The following CCSER1 variants were observed in gnomAD, a reference collection of about 807,000 sequenced individuals.
CCSER1 encodes coiled-coil serine rich protein 1, also known as serine-rich coiled-coil domain-containing protein 1.
In CCSER1, 41 loss-of-function variants were observed where a neutral mutation model predicts 82.0. The ratio of observed to expected loss-of-function variants is 0.50; its 90% CI spans 0.39 to 0.65. The LOEUF is 0.65. Ranked by LOEUF, CCSER1 falls within the 30% of genes least tolerant of loss-of-function variation. CCSER1 has a pLI of 0.00. For missense variants in CCSER1, 1,119 were observed against 1,064.2 expected, an observed-to-expected ratio of 1.05 and a Z score of -0.72; for synonymous variants, 414 against 383.9, an observed-to-expected ratio of 1.08 and a Z score of -0.92.
chr4:91,450,104 A>G (rs1335525232), intron 10 of CCSER1, among the ~76,000 whole-genome samples: 1 of 73,292 alleles, frequency 1.4e-5, no homozygotes, highest in Non-Finnish European at 2.7e-5. Flanking sequence ...AAAGCCTCAC[A>G]ATGGCTGGAG....
At chr4:91,389,732 T>A (rs1751533620) in intron 10 of CCSER1, among the ~76,000 whole-genome samples, 1 of 152,012 alleles carries the variant, frequency 6.6e-6, no homozygotes, top group Admixed American at 6.6e-5. Context: ...GTTCATTGAT[T>A]TAGTTTCTCT....
At chr4:90,153,914 G>T (rs978326698) in intron 1 of CCSER1, among the ~76,000 whole-genome samples, 2 of 152,102 alleles carry the variant, frequency 1.3e-5, no homozygotes, top group Admixed American at 1.3e-4. Context: ...GGCTTTTGTT[G>T]CCATTGCTTT....
chr4:91,417,402 T>C (rs1240436034), intron 10 of CCSER1, among the ~76,000 whole-genome samples: 1 of 152,192 alleles, frequency 6.6e-6, no homozygotes, highest in Non-Finnish European at 1.5e-5. Context: ...ATATGTTTAT[T>C]GCAGCACTAT....
intron 1 of CCSER1, among the ~76,000 whole-genome samples, chr4:90,143,385 A>G (rs941716167): frequency 1.3e-5 from 2 of 151,936 alleles, no homozygotes; most frequent in African/African-American, 2.4e-5. Flanking sequence ...CATTTGTCAG[A>G]TTATTTAAAT....
chr4:90,957,547 TTATATTATA>T (rs1204353973), intron 9 of CCSER1, among the ~76,000 whole-genome samples: 11 of 91,728 alleles, frequency 1.2e-4, no homozygotes, highest in Non-Finnish European at 2.4e-4. Flanking sequence ...TATTATATAA[TTATATTATA>T]TATATTATAT....
intron 3 of CCSER1, among the ~76,000 whole-genome samples, chr4:90,329,590 A>G (rs1738900406): frequency 6.6e-6 from 1 of 152,164 alleles, no homozygotes; most frequent in Non-Finnish European, 1.5e-5. Context: ...GATCTTTATA[A>G]GGGTAATGTG....
intron 8 of CCSER1, among the ~76,000 whole-genome samples, chr4:90,922,244 T>C (rs1017472017): frequency 6.6e-6 from 1 of 151,758 alleles, no homozygotes; most frequent in Non-Finnish European, 1.5e-5. Context: ...CAGATAATCT[T>C]GAAAATACCA....
At chr4:91,546,309 C>A (rs1381497911) in intron 10 of CCSER1, among the ~76,000 whole-genome samples, 1 of 152,038 alleles carries the variant, frequency 6.6e-6, no homozygotes, top group African/African-American at 2.4e-5. Flanking sequence ...CCTTCTGCTT[C>A]CCTGTTCTGG....
intron 3 of CCSER1, among the ~76,000 whole-genome samples, chr4:90,326,462 T>G (rs901584551): frequency 6.6e-6 from 1 of 150,380 alleles, no homozygotes; most frequent in African/African-American, 2.5e-5. Context: ...TGCTAAAAGT[T>G]TGCTCTGAAA....
At chr4:90,957,269 T>A (rs1733562804) in intron 9 of CCSER1, among the ~76,000 whole-genome samples, 1 of 143,070 alleles carries the variant, frequency 7.0e-6, no homozygotes, top group Non-Finnish European at 1.5e-5. Context: ...GTCCAGCTAA[T>A]TTTTTTGTTT....
intron 10 of CCSER1, among the ~76,000 whole-genome samples, chr4:91,337,879 A>C: frequency 6.6e-6 from 1 of 152,150 alleles, no homozygotes; most frequent in East Asian, 1.9e-4. Context: ...ATCACGTTTA[A>C]GTTTTGTTAC....
At position 91,519,863 on chromosome 4, in the gene CCSER1, T is replaced by A. The variant is rs186923714; in HGVS notation, c.2218-78709T>A. Among the ~76,000 whole-genome samples the A allele has an allele frequency of 1.4e-4, 21 of 152,338 alleles. No individual in the cohort carries two copies. In the East Asian group the frequency reaches 4.1e-3, roughly 29 times the overall value. ...GATGTTTCAGTTGAAGATTTAGAAT[T>A]TACTTGCCACCTCCTTTTCTGTCTC... On this transcript the variant is annotated intron_variant, in intron 10 of 10. Coordinates refer to ENST00000509176, the MANE Select transcript of CCSER1 (RefSeq NM_001145065.2).
chr4:91,596,633 C>T (rs1764593582), intron 10 of CCSER1, among the ~76,000 whole-genome samples: 1 of 151,984 alleles, frequency 6.6e-6, no homozygotes, highest in Admixed American at 6.6e-5. Context: ...TAGACAAGTT[C>T]CCAAATGACG....
intron 3 of CCSER1, among the ~76,000 whole-genome samples, chr4:90,334,524 A>G (rs573020435): frequency 2.0e-5 from 3 of 151,320 alleles, no homozygotes; most frequent in Non-Finnish European, 4.4e-5. Flanking sequence ...TAAACTTTAT[A>G]TTGCAATTTG....
At chr4:90,834,255 A>C (rs1435064005) in intron 8 of CCSER1, among the ~76,000 whole-genome samples, 1 of 152,220 alleles carries the variant, frequency 6.6e-6, no homozygotes, top group Admixed American at 6.5e-5. Context: ...TCAGGATAAA[A>C]TCCAAAGTGA....
At chr4:90,870,953 C>A (rs1343400969) in intron 8 of CCSER1, among the ~76,000 whole-genome samples, 1 of 144,210 alleles carries the variant, frequency 6.9e-6, no homozygotes, top group Admixed American at 7.1e-5. Context: ...TTTATTTTTT[C>A]TATTTTTTCC....
At chr4:91,536,778 G>C (rs1401449339) in intron 10 of CCSER1, among the ~76,000 whole-genome samples, 1 of 151,984 alleles carries the variant, frequency 6.6e-6, no homozygotes, top group Non-Finnish European at 1.5e-5. Context: ...ACTGTTATTA[G>C]CCTTAGGATT....
At chr4:91,113,102 C>G (rs1726226063) in intron 10 of CCSER1, among the ~76,000 whole-genome samples, 1 of 152,110 alleles carries the variant, frequency 6.6e-6, no homozygotes, top group Admixed American at 6.5e-5. Context: ...ATATTAATTG[C>G]CTTACATGTG....
At chr4:90,844,173 G>GAT in intron 8 of CCSER1, among the ~76,000 whole-genome samples, 1 of 151,432 alleles carries the variant, frequency 6.6e-6, no homozygotes, top group Non-Finnish European at 1.5e-5. Context: ...TAGATAGATA[G>GAT]AGAATATATA....
Sources: allele counts gnomAD v4.1 joint callset (sites outside exome capture counted in the v4.1 genomes callset), GRCh38; gene constraint gnomAD v4.1.1; transcripts MANE v1.5; gene names NCBI Gene and HGNC (gene_info 2026-07-23, HGNC 2026-07-21).